The following RASGEF1B variants were observed in gnomAD, a reference collection of about 807,000 sequenced individuals.
RASGEF1B encodes RasGEF domain family member 1B.
Under a neutral mutation model 65.7 loss-of-function variants are expected in RASGEF1B, and 30 were observed. The observed-to-expected ratio is 0.46, with a 90% confidence interval of 0.34 to 0.62. RASGEF1B has a LOEUF of 0.62. Among genes scored for constraint, RASGEF1B ranks in the 20% least tolerant of loss-of-function variants. The pLI, the probability that RASGEF1B is intolerant of heterozygous loss-of-function variation, is 0.01. For synonymous variants in RASGEF1B, 175 were observed against 194.8 expected, an observed-to-expected ratio of 0.90 and a Z score of 0.85; for missense variants, 495 against 580.1, an observed-to-expected ratio of 0.85 and a Z score of 1.51.
chr4:81,435,464 T>G (rs13139674), intron 10 of RASGEF1B, among the ~76,000 whole-genome samples: 2 of 40,668 alleles, frequency 4.9e-5, no homozygotes, highest in Non-Finnish European at 9.3e-5. Context: ...CAGGCACCGA[T>G]TTTTTTTTTT....
chr4:81,470,823 C>T lies in RASGEF1B; in HGVS notation c.-7+947G>A, dbSNP rs115289596. Among the ~76,000 whole-genome samples, 1,321 of 152,262 alleles carry T rather than the reference C, an allele frequency of 8.7e-3. 10 individuals are homozygous for T. The highest frequency in any genetic ancestry group is 0.027 in the African/African-American group (1,119 of 41,564). The stretch of plus-strand genomic sequence containing the variant: ...AGTGTCAGAGGATTAAGCTACGTTG[C>T]TTTTGCCTGAACTGCGCCGATTTGG... On this transcript the variant is annotated intron_variant, in intron 1 of 13. Transcript: ENST00000264400.
At chr4:81,437,156 A>G (rs957600909) in intron 10 of RASGEF1B, among the ~76,000 whole-genome samples, 2 of 152,220 alleles carry the variant, frequency 1.3e-5, no homozygotes, top group African/African-American at 4.8e-5. Flanking sequence ...CTGGTGCTAT[A>G]AGCTAGGAGT....
At chr4:81,445,692 G>A in intron 7 of RASGEF1B, 51 bp downstream of exon 7, 1 of 1,583,184 alleles carries the variant, frequency 6.3e-7, no homozygotes, top group Non-Finnish European at 8.7e-7. Flanking sequence ...TCTAAAATAA[G>A]TATGAAAAAA....
rs776914114 is a variant in RASGEF1B, at chr4:81,442,256, T to C, written c.1008+41A>G. Reference sequence around the variant, plus strand: ...ACATAAAGGAATTCCACTTTCCAGGTGTAAAGTGTTACTTAACAGCAAAAC... The same window carrying C: ...ACATAAAGGAATTCCACTTTCCAGGCGTAAAGTGTTACTTAACAGCAAAAC... On this transcript the variant is annotated intron_variant, in intron 9 of 13. Coordinates refer to ENST00000264400, the MANE Select transcript of RASGEF1B (RefSeq NM_152545.3). 4 of 1,276,854 alleles carry C rather than the reference T, an allele frequency of 3.1e-6. No individual in the cohort carries two copies. In the South Asian group the frequency reaches 3.6e-5, roughly 11 times the overall value. The allele number at this position is 1,276,854 out of a possible 1,614,324, so 79.1% of individuals were successfully genotyped here.
At position 81,442,367 on chromosome 4, in the gene RASGEF1B, T is replaced by C. The variant is rs776665523; in HGVS notation, c.938A>G (p.Asn313Ser). The C allele has an allele frequency of 6.2e-7, 1 of 1,609,976 alleles. No individual in the cohort carries two copies. Among genetic ancestry groups the C allele is most frequent in the African/African-American group, 1.3e-5 (1 of 74,928 alleles). Residue 313 changes from asparagine to serine, a missense_variant, in exon 9 of 14, where the codon AAT becomes AGT. Physicochemically the swap from Asn to Ser is conservative, Grantham distance 46. Coordinates refer to ENST00000264400, the MANE Select transcript of RASGEF1B (RefSeq NM_152545.3). ...NSLMAIISGM[N>S]MSPVSRLKKT... is the part of the protein sequence containing the mutation. Reference sequence around the variant, plus strand: ...TTTTAGTCGAGAGACTGGGCTCATATTCATACCAGCTTCCCATTTGAAATG... The same window carrying C: ...TTTTAGTCGAGAGACTGGGCTCATACTCATACCAGCTTCCCATTTGAAATG...
At chr4:81,442,801 A>T (rs1464175017) in intron 8 of RASGEF1B, among the ~76,000 whole-genome samples, 1 of 152,254 alleles carries the variant, frequency 6.6e-6, no homozygotes, top group African/African-American at 2.4e-5. Flanking sequence ...CACATGTTAG[A>T]AATGTTAGTA....
At chr4:81,442,977 A>T (rs1721895430) in intron 8 of RASGEF1B, among the ~76,000 whole-genome samples, 1 of 152,274 alleles carries the variant, frequency 6.6e-6, no homozygotes, top group Non-Finnish European at 1.5e-5. Context: ...ACTATCTCAT[A>T]CATCCCCTCA....
chr4:81,431,125 G>A (rs1274115947), intron 13 of RASGEF1B, among the ~76,000 whole-genome samples: 1 of 151,916 alleles, frequency 6.6e-6, no homozygotes. Flanking sequence ...GCACTCTGAG[G>A]CTCATGTTTT....
In RASGEF1B at chr4:81,440,944, GAGA is replaced by G; in HGVS notation, c.1009-18_1009-16del. On this transcript the variant is annotated splice_polypyrimidine_tract_variant and intron_variant, in intron 9 of 13. Coordinates refer to ENST00000264400, the MANE Select transcript of RASGEF1B (RefSeq NM_152545.3). ...TCCATCTGATGCTATAGATAAAAGA[GAGA>G]AGAATATTAACTATTTATTTATTGT... 1 of 1,488,120 alleles carries G rather than the reference GAGA, an allele frequency of 6.7e-7. No homozygotes were observed. Among genetic ancestry groups the G allele is most frequent in the Non-Finnish European group, 9.4e-7 (1 of 1,068,670 alleles). The allele number at this position is 1,488,120 out of a possible 1,614,324, so 92.2% of individuals were successfully genotyped here. A position where few individuals can be genotyped will look rare whatever the true frequency, so the allele number is the denominator to read the frequency against.
chr4:81,470,831 T>C (rs2110003808), intron 1 of RASGEF1B, among the ~76,000 whole-genome samples: 1 of 152,274 alleles, frequency 6.6e-6, no homozygotes, highest in South Asian at 2.1e-4. Flanking sequence ...TGCTTTTGCC[T>C]GAACTGCGCC....
intron 4 of RASGEF1B, chr4:81,453,356 A>G (rs976606578): frequency 1.3e-5 from 2 of 152,224 alleles, no homozygotes; most frequent in African/African-American, 4.8e-5. Flanking sequence ...AAGATGGTAC[A>G]GTATTTTCAT....
At chr4:81,443,406 C>T (rs1721915641) in intron 8 of RASGEF1B, among the ~76,000 whole-genome samples, 1 of 152,122 alleles carries the variant, frequency 6.6e-6, no homozygotes, top group African/African-American at 2.4e-5. Flanking sequence ...CATTTCATGA[C>T]CCCAGAAAGC....
intron 13 of RASGEF1B, among the ~76,000 whole-genome samples, chr4:81,431,327 G>T (rs546146470): frequency 6.6e-6 from 1 of 151,338 alleles, no homozygotes; most frequent in East Asian, 1.9e-4. Context: ...CAACAAGCCT[G>T]TTATATCCCA....
intron 1 of RASGEF1B, among the ~76,000 whole-genome samples, chr4:81,470,726 T>C (rs1487182981): frequency 1.3e-5 from 2 of 152,310 alleles, no homozygotes; most frequent in African/African-American, 4.8e-5. Context: ...TGGACACATC[T>C]ACATTCCGAA....
chr4:81,465,247 C>T (rs920666787), intron 1 of RASGEF1B, among the ~76,000 whole-genome samples: 6 of 151,988 alleles, frequency 3.9e-5, no homozygotes, highest in Non-Finnish European at 8.8e-5. Context: ...TGAGGCAGCA[C>T]TTTAGGATAT....
intron 9 of RASGEF1B, 46 bp downstream of exon 9, chr4:81,442,251 C>G: frequency 8.3e-7 from 1 of 1,211,752 alleles, no homozygotes; most frequent in East Asian, 2.3e-5. Flanking sequence ...ATTCCACTTT[C>G]CAGGTGTAAA....
rs1306730973 is a variant in RASGEF1B at position 81,426,914 on chromosome 4, G to A, written c.*854C>T. On this transcript the variant is annotated 3_prime_UTR_variant, in exon 14 of 14. Transcript: ENST00000264400. ...AATAACAGGCATCATGGAAAACTAAGTAACAAAAAGCTATTGAAAAATACA... is the reference window on the plus strand; with the variant it reads ...AATAACAGGCATCATGGAAAACTAAATAACAAAAAGCTATTGAAAAATACA... The A allele has an allele frequency of 1.7e-5, 2 of 115,698 alleles. No homozygotes were observed. The highest frequency in any genetic ancestry group is 3.3e-5 in the African/African-American group (1 of 30,036). 7.2% of individuals were successfully genotyped at this position (115,698 alleles called of 1,614,324 possible).
intron 1 of RASGEF1B, among the ~76,000 whole-genome samples, chr4:81,467,092 T>G (rs1413405317): frequency 6.6e-6 from 1 of 151,622 alleles, no homozygotes; most frequent in Non-Finnish European, 1.5e-5. Context: ...GAGTCCCACA[T>G]GCTTAGTAGA....
chr4:81,452,231 C>T (rs975423989), intron 4 of RASGEF1B: 1 of 152,478 alleles, frequency 6.6e-6, no homozygotes, highest in Non-Finnish European at 1.5e-5. Flanking sequence ...CTGCCTCAGC[C>T]TCCCAAGTAG....
Sources: gnomAD v4.1 joint callset for allele counts (sites outside exome capture counted in the v4.1 genomes callset) on GRCh38, gnomAD v4.1.1 for gene constraint, MANE v1.5 for transcripts, NCBI Gene and HGNC (gene_info 2026-07-23, HGNC 2026-07-21) for gene names.